Variants in SORT1 observed in about 807,000 individuals in gnomAD.
SORT1 encodes sortilin.
SORT1 carries 39 observed loss-of-function variants against 101.7 expected under a neutral mutation model. That is an observed-to-expected ratio of 0.38 (90% CI 0.30 to 0.50). The LOEUF (loss-of-function observed/expected upper bound fraction) is 0.50. Among genes scored for constraint, SORT1 ranks in the 20% least tolerant of loss-of-function variants. The pLI is 0.90. For missense variants in SORT1, 878 were observed against 1,040.4 expected (o/e 0.84, Z 2.15); for synonymous variants, 396 against 393.7 (o/e 1.01, Z -0.07).
At position 109,354,422 on chromosome 1, in the gene SORT1, G is replaced by T. The variant is rs767104480; in HGVS notation, c.653C>A (p.Thr218Asn). The T allele has an allele frequency of 3.7e-6, 6 of 1,612,552 alleles. No individual in the cohort carries two copies. The highest frequency in any genetic ancestry group is 5.1e-6 in the Non-Finnish European group (6 of 1,178,724). Residue 218 changes from threonine to asparagine, a missense_variant, in exon 5 of 20, where the codon ACT becomes AAT. By Grantham distance (65) the Thr-to-Asn change is moderately conservative. Coordinates refer to ENST00000256637, the MANE Select transcript of SORT1 (RefSeq NM_002959.7). ...VQTDLPFHPL[T>N]QMMYSPQNSD... ...ATTCTGAGGGCTATACATCATCTGA[G>T]TGAGAGGATGAAAAGGGAGATCTGT...
rs1658642230 is a variant in SORT1, at chr1:109,310,264, G to T, written c.*3779C>A. 6.5e-6 allele frequency: 1 copy of T among 152,924 alleles called. No individual in the cohort carries two copies. The highest frequency in any genetic ancestry group is 2.1e-4 in the South Asian group (1 of 4,828). 9.5% of individuals were successfully genotyped at this position (152,924 alleles called of 1,614,324 possible). On this transcript the variant is annotated 3_prime_UTR_variant, in exon 20 of 20. Coordinates refer to ENST00000256637, the MANE Select transcript of SORT1 (RefSeq NM_002959.7). ...GTACTGGTGTGAAGAAATGCATACTGCAAGTTGTTTCGAATTAATGTTCTG... is the reference window on the plus strand; with the variant it reads ...GTACTGGTGTGAAGAAATGCATACTTCAAGTTGTTTCGAATTAATGTTCTG...
chr1:109,355,534 T>C, intron 3 of SORT1, 65 bp from the exon 4 acceptor site: 1 of 758,020 alleles, frequency 1.3e-6, no homozygotes, highest in South Asian at 1.4e-5. Flanking sequence ...GAGTTCCTAC[T>C]CAGCTTTCAT....
In SORT1 at chr1:109,311,185, A is replaced by G. The variant is rs1406099633; in HGVS notation, c.*2858T>C. 6.6e-6 allele frequency: 1 copy of G among 152,208 alleles called. No homozygotes were observed. Among genetic ancestry groups the G allele is most frequent in the Non-Finnish European group, 1.5e-5 (1 of 68,050 alleles). The allele number at this position is 152,208 out of a possible 1,614,324, so 9.4% of individuals were successfully genotyped here. A position where few individuals can be genotyped will look rare whatever the true frequency, so the allele number is the denominator to read the frequency against. On this transcript the variant is annotated 3_prime_UTR_variant, in exon 20 of 20. Transcript: ENST00000256637. ...AAGCCCAATGCCCAATTAGGTCCAGAGAAGAAAGAAGAGTGAGTTCCCTAC... is the reference window on the plus strand; with the variant it reads ...AAGCCCAATGCCCAATTAGGTCCAGGGAAGAAAGAAGAGTGAGTTCCCTAC...
chr1:109,357,019 G>A (rs1258554036), intron 3 of SORT1, among the ~76,000 whole-genome samples: 4 of 152,218 alleles, frequency 2.6e-5, no homozygotes, highest in Admixed American at 2.0e-4. Context: ...GCATGAAGAT[G>A]TTTTGGTTAC....
chr1:109,334,950 T>A (rs1193754831), intron 11 of SORT1, among the ~76,000 whole-genome samples: 1 of 152,130 alleles, frequency 6.6e-6, no homozygotes, highest in Admixed American at 6.6e-5. Context: ...TTTACTACTA[T>A]TTTTTTAAAA....
Position 109,350,910 on chromosome 1 carries a change from G to T in SORT1, c.782+19C>A. On this transcript the variant is annotated intron_variant, in intron 6 of 19. Transcript: ENST00000256637. ...GAAGGGTTTAGGGCTCTGCACAGAT[G>T]GAGTCTTCTGTTACTCACCATTTGG... 1 of 1,547,276 alleles carries T rather than the reference G, an allele frequency of 6.5e-7. No homozygotes were observed. Among genetic ancestry groups the T allele is most frequent in the Non-Finnish European group, 8.9e-7 (1 of 1,118,950 alleles).
At chr1:109,348,093 C>CTATA (rs1649717905) in intron 6 of SORT1, among the ~76,000 whole-genome samples, 1 of 152,332 alleles carries the variant, frequency 6.6e-6, no homozygotes, top group Admixed American at 6.5e-5. Context: ...AGGGCAGGTA[C>CTATA]TATACTTTGC....
At chr1:109,315,310 T>G (rs1009050974) in intron 17 of SORT1, among the ~76,000 whole-genome samples, 2 of 152,106 alleles carry the variant, frequency 1.3e-5, no homozygotes, top group Admixed American at 1.3e-4. Context: ...TGCTTCTGGG[T>G]GGGAAATAGG....
chr1:109,321,393 T>C (rs900448492), intron 15 of SORT1, among the ~76,000 whole-genome samples: 2 of 152,090 alleles, frequency 1.3e-5, no homozygotes, highest in Admixed American at 1.3e-4. Flanking sequence ...TGCGGTGGCA[T>C]GGAGGTCTGA....
rs1168683085 is a variant in SORT1 at position 109,311,694 on chromosome 1, A to T, written c.*2349T>A. 1 of 152,260 alleles carries T rather than the reference A, an allele frequency of 6.6e-6. No individual in the cohort carries two copies. The highest frequency in any genetic ancestry group is 2.4e-5 in the African/African-American group (1 of 41,462). 9.4% of individuals were successfully genotyped at this position (152,260 alleles called of 1,614,324 possible). Reference sequence around the variant, plus strand: ...CCCATTACTTTTGTTTTCAGCCATGAAAGACAGGAAAATACAATTTTCTGT... The same window carrying T: ...CCCATTACTTTTGTTTTCAGCCATGTAAGACAGGAAAATACAATTTTCTGT... On this transcript the variant is annotated 3_prime_UTR_variant, in exon 20 of 20. Coordinates refer to ENST00000256637, the MANE Select transcript of SORT1 (RefSeq NM_002959.7).
chr1:109,353,538 A>C (rs1650107383), intron 5 of SORT1, among the ~76,000 whole-genome samples: 1 of 152,010 alleles, frequency 6.6e-6, no homozygotes, highest in Non-Finnish European at 1.5e-5. Flanking sequence ...CAAAACAGTC[A>C]GTACAGCAAT....
At chr1:109,353,285 G>A (rs867074512) in intron 5 of SORT1, among the ~76,000 whole-genome samples, 20 of 142,386 alleles carry the variant, frequency 1.4e-4, no homozygotes, top group Admixed American at 4.4e-4. Flanking sequence ...ACCAGATTGA[G>A]CCATTGCACT....
At chr1:109,345,698 C>A (rs1364305286) in intron 8 of SORT1, 53 bp downstream of exon 8, 4 of 1,513,610 alleles carry the variant, frequency 2.6e-6, no homozygotes, top group Non-Finnish European at 3.6e-6. Flanking sequence ...AGAATCTATA[C>A]GAGAGATATT....
chr1:109,392,692 G>A, intron 1 of SORT1: 10 of 984,456 alleles, frequency 1.0e-5, no homozygotes, highest in Non-Finnish European at 1.2e-5. Flanking sequence ...CCTTTCCCCA[G>A]ATAAATTACA....
In SORT1 at chr1:109,327,026, T is replaced by A; in HGVS notation, c.1609A>T (p.Ile537Phe). The A allele has an allele frequency of 6.2e-7, 1 of 1,612,522 alleles. No individual in the cohort carries two copies. Among genetic ancestry groups the A allele is most frequent in the Non-Finnish European group, 8.5e-7 (1 of 1,179,968 alleles). ...ILDSGGIIVA[I>F]EHSSRPINVI... is the part of the protein sequence containing the mutation. ...TTGATAGGACGGCTGCTGTGCTCAA[T>A]GGCCACAATGATGCCTCCAGAATCC... The change falls in exon 13 of 20, where the codon ATT becomes TTT. Residue 537 changes from isoleucine (I) to phenylalanine (F), a missense_variant. Around this residue, in one of 2 missense-constraint regions of SORT1, gnomAD observed 684 missense variants for 894.5 expected, o/e 0.76. Transcript: ENST00000256637.
chr1:109,350,829 T>G, intron 6 of SORT1, 100 bp downstream of exon 6: 1 of 836,030 alleles, frequency 1.2e-6, no homozygotes, highest in Non-Finnish European at 2.1e-6. Context: ...TGAAGAGTAC[T>G]TGGCACACAG....
Position 109,385,501 on chromosome 1 carries a change from T to G in SORT1, c.306+12086A>C, listed in dbSNP as rs186699555. ...TAGCTACATTTCATAATTTTTGCAT[T>G]TAATTGTTATATCTTAGTTCATTTT... On this transcript the variant is annotated intron_variant, in intron 1 of 19. Transcript: ENST00000256637. Among the ~76,000 whole-genome samples, 15 of 152,322 alleles carry G rather than the reference T, an allele frequency of 9.8e-5. No individual in the cohort carries two copies. The East Asian group carries it at 2.9e-3, about 29-fold the overall frequency.
chr1:109,390,651 G>A (rs1295641441), intron 1 of SORT1, among the ~76,000 whole-genome samples: 1 of 151,854 alleles, frequency 6.6e-6, no homozygotes, highest in Non-Finnish European at 1.5e-5. Flanking sequence ...AATTATTGAA[G>A]TTAATACAAA....
intron 8 of SORT1, among the ~76,000 whole-genome samples, chr1:109,345,275 G>A (rs1649503020): frequency 6.6e-6 from 1 of 152,162 alleles, no homozygotes; most frequent in African/African-American, 2.4e-5. Context: ...AGCACTTTGG[G>A]AGGCTGAGGC....
Sources: gnomAD v4.1 joint callset for allele counts (sites outside exome capture counted in the v4.1 genomes callset) on GRCh38, gnomAD v4.1.1 for gene constraint, gnomAD v4.1.1 regional missense constraint, MANE v1.5 for transcripts, NCBI Gene and HGNC (gene_info 2026-07-23, HGNC 2026-07-21) for gene names.